Variants in CAAP1 observed in about 807,000 individuals in gnomAD.
The protein encoded by CAAP1 is conserved anti-apoptotic protein.
A neutral mutation model predicts 34.0 loss-of-function variants in CAAP1; 20 were observed. The ratio of observed to expected loss-of-function variants is 0.59; its 90% CI spans 0.41 to 0.86. The LOEUF is 0.86. CAAP1 is among the 40% of genes least tolerant of loss of function. CAAP1 has a pLI of 0.00. For synonymous variants in CAAP1, 213 were observed against 166.7 expected (o/e 1.28, Z -2.14); for missense variants, 538 against 450.5 (o/e 1.19, Z -1.76).
In CAAP1 at chr9:26,886,140, G is replaced by A; in HGVS notation, c.553C>T (p.Leu185Phe). 1 of 1,555,012 alleles carries A rather than the reference G, an allele frequency of 6.4e-7. No individual in the cohort carries two copies. The highest frequency in any genetic ancestry group is 8.7e-7 in the Non-Finnish European group (1 of 1,155,230). The change falls in exon 3 of 6, where the codon CTC (leucine) becomes TTC (phenylalanine). Residue 185 changes from leucine (L) to phenylalanine (F), a missense_variant. Around this residue, in one of 3 missense-constraint regions of CAAP1, gnomAD observed 514 missense variants for 408.4 expected, o/e 1.26. Transcript: ENST00000333916. ...TTCAAAATTTTTTTTTCAGACAGGA[G>A]CTCTAACTGTTCCTGGCATAGTTTT... ...IKKLCQEQLE[L>F]LSEKKILKIL...
Position 26,858,822 on chromosome 9 carries a change from C to CA in CAAP1, c.739+2243dup, listed in dbSNP as rs756404393. Among the ~76,000 whole-genome samples the CA allele has an allele frequency of 3.5e-3, 304 of 87,076 alleles. 1 individual carries two copies. Among genetic ancestry groups the CA allele is most frequent in the Middle Eastern group, 6.2e-3 (1 of 162 alleles). 57.1% of individuals were successfully genotyped at this position (87,076 alleles called of 152,430 possible). ...TGGGCGACAGAGGGAGGCTCCATCTCAAAAAAAAAAAAAAAAGAAAAAGAA... is the reference window on the plus strand; with the variant it reads ...TGGGCGACAGAGGGAGGCTCCATCTCAAAAAAAAAAAAAAAAAGAAAAAGAA... On this transcript the variant is annotated intron_variant, in intron 5 of 5. Transcript: ENST00000333916.
intron 2 of CAAP1, 32 bp downstream of exon 2, chr9:26,887,281 A>C: frequency 2.2e-6 from 3 of 1,350,988 alleles, no homozygotes; most frequent in Non-Finnish European, 3.0e-6. Context: ...GTATTTCTAC[A>C]TATGTATCTA....
At chr9:26,892,301 T>C (rs776432631) in intron 1 of CAAP1, 112 bp downstream of exon 1, 3 of 1,534,124 alleles carry the variant, frequency 2.0e-6, no homozygotes, top group Non-Finnish European at 2.6e-6. Context: ...CGGACGACCT[T>C]GAGATTGCCG....
chr9:26,842,256 T>C lies in CAAP1; in HGVS notation c.*45A>G. On this transcript the variant is annotated 3_prime_UTR_variant, in exon 6 of 6. Transcript: ENST00000333916. ...ATTTTAGATACAAAATTAAATGATG[T>C]GGCTTTGTTCAAACATACCTAAAAT... 2.1e-6 allele frequency: 3 copies of C among 1,411,380 alleles called. No individual in the cohort carries two copies. Among genetic ancestry groups the C allele is most frequent in the Non-Finnish European group, 2.9e-6 (3 of 1,043,324 alleles). The allele number at this position is 1,411,380 out of a possible 1,614,324, so 87.4% of individuals were successfully genotyped here. A position where few individuals can be genotyped will look rare whatever the true frequency, so the allele number is the denominator to read the frequency against.
At chr9:26,886,778 C>T (rs1587129355) in intron 2 of CAAP1, among the ~76,000 whole-genome samples, 1 of 152,278 alleles carries the variant, frequency 6.6e-6, no homozygotes, top group East Asian at 1.9e-4. Flanking sequence ...GAATTATCTC[C>T]ACAGAGTCAA....
chr9:26,845,841 C>T (rs117341892), intron 5 of CAAP1, among the ~76,000 whole-genome samples: 1,730 of 152,158 alleles, frequency 0.011, 19 homozygotes, highest in Non-Finnish European at 0.018. Flanking sequence ...AATTTTATTT[C>T]TTCTTTTGTT....
At chr9:26,878,698 C>T (rs920482996) in intron 4 of CAAP1, among the ~76,000 whole-genome samples, 1 of 152,090 alleles carries the variant, frequency 6.6e-6, no homozygotes, top group South Asian at 2.1e-4. Flanking sequence ...AGCCTCTAGT[C>T]CCAGCAGTTT....
chr9:26,845,070 T>G (rs1427744741), intron 5 of CAAP1, among the ~76,000 whole-genome samples: 1 of 152,262 alleles, frequency 6.6e-6, no homozygotes, highest in African/African-American at 2.4e-5. Flanking sequence ...GTGATCACTC[T>G]CTGTGAAAGT....
intron 4 of CAAP1, among the ~76,000 whole-genome samples, chr9:26,861,351 ACTT>A (rs1415223999): frequency 6.6e-6 from 1 of 152,194 alleles, no homozygotes; most frequent in Non-Finnish European, 1.5e-5. Flanking sequence ...TAAGCAGTAT[ACTT>A]CTTTGTAAAA....
chr9:26,844,223 G>C (rs1277432623), intron 5 of CAAP1, among the ~76,000 whole-genome samples: 1 of 152,104 alleles, frequency 6.6e-6, no homozygotes, highest in African/African-American at 2.4e-5. Context: ...CAGGCGTAGG[G>C]GCACATGCCT....
At chr9:26,856,973 G>A (rs139745551) in intron 5 of CAAP1, among the ~76,000 whole-genome samples, 1 of 152,264 alleles carries the variant, frequency 6.6e-6, no homozygotes, top group Non-Finnish European at 1.5e-5. Flanking sequence ...AAACTTTAAA[G>A]CAACAATTTA....
intron 4 of CAAP1, among the ~76,000 whole-genome samples, chr9:26,874,255 G>T (rs1307492948): frequency 6.7e-6 from 1 of 149,584 alleles, no homozygotes; most frequent in Non-Finnish European, 1.5e-5. Context: ...GATACCTACT[G>T]GTTGTACTTA....
intron 4 of CAAP1, among the ~76,000 whole-genome samples, chr9:26,863,565 T>A (rs1416386357): frequency 6.6e-6 from 1 of 152,068 alleles, no homozygotes; most frequent in Non-Finnish European, 1.5e-5. Context: ...AATAAAAATT[T>A]TGTCCACTCT....
At chr9:26,879,290 C>G (rs1016216160) in intron 4 of CAAP1, among the ~76,000 whole-genome samples, 1 of 152,036 alleles carries the variant, frequency 6.6e-6, no homozygotes, top group African/African-American at 2.4e-5. Flanking sequence ...TCATTTTTTT[C>G]CAGAACATTT....
At chr9:26,887,101 A>G (rs1334035877) in intron 2 of CAAP1, among the ~76,000 whole-genome samples, 1 of 152,098 alleles carries the variant, frequency 6.6e-6, no homozygotes, top group Non-Finnish European at 1.5e-5. Context: ...AGTCCCAGCT[A>G]CTCAGGAGGC....
chr9:26,886,189 C>A lies in CAAP1; in HGVS notation c.505-1G>T. ...TTTTAATTTCTTCTATTGAACAGTT[C>A]TAAAGGAAATGACATTTTAAAAAAA... is the stretch of plus-strand genomic sequence containing the variant. On this transcript the variant is annotated splice_acceptor_variant, in intron 2 of 5. Coordinates refer to ENST00000333916, the MANE Select transcript of CAAP1 (RefSeq NM_024828.4). LOFTEE classifies it high-confidence loss of function. 6.8e-7 allele frequency: 1 copy of A among 1,468,354 alleles called. No individual in the cohort carries two copies. The highest frequency in any genetic ancestry group is 2.4e-5 in the Admixed American group (1 of 42,524). 91.0% of individuals were successfully genotyped at this position (1,468,354 alleles called of 1,614,324 possible).
At chr9:26,848,894 T>C (rs139418189) in intron 5 of CAAP1, among the ~76,000 whole-genome samples, 41 of 152,362 alleles carry the variant, frequency 2.7e-4, no homozygotes, top group African/African-American at 9.9e-4. Flanking sequence ...CTGAATAACA[T>C]AAACATATAA....
chr9:26,873,702 CTACT>C (rs1823337616), intron 4 of CAAP1, among the ~76,000 whole-genome samples: 1 of 152,140 alleles, frequency 6.6e-6, no homozygotes, highest in Non-Finnish European at 1.5e-5. Flanking sequence ...TTCATATTAC[CTACT>C]TACTTAAAAT....
intron 1 of CAAP1, among the ~76,000 whole-genome samples, chr9:26,889,885 A>T (rs1237031810): frequency 6.6e-6 from 1 of 151,312 alleles, no homozygotes; most frequent in African/African-American, 2.4e-5. Flanking sequence ...AAAAAAAAAA[A>T]AAAAGGAACC....
Sources: allele counts gnomAD v4.1 joint callset (sites outside exome capture counted in the v4.1 genomes callset), GRCh38; gene constraint gnomAD v4.1.1; regional missense constraint gnomAD v4.1.1; transcripts MANE v1.5; gene names NCBI Gene and HGNC (gene_info 2026-07-23, HGNC 2026-07-21).